Variants in LRP1B observed in about 807,000 individuals in gnomAD.
LRP1B encodes the protein LDL receptor related protein 1B, also known as low-density lipoprotein receptor-related protein 1B.
LRP1B carries 217 observed loss-of-function variants against 556.6 expected under a neutral mutation model. The observed-to-expected ratio is 0.39, with a 90% CI of 0.35 to 0.44. LRP1B has a LOEUF of 0.44. LRP1B is among the 20% of genes least tolerant of loss of function. The pLI, the probability that LRP1B is intolerant of heterozygous loss-of-function variation, is 1.00. For missense variants in LRP1B, 5,053 were observed against 5,620.8 expected, an observed-to-expected ratio of 0.90 and a Z score of 3.23; for synonymous variants, 2,047 against 1,865.8, an observed-to-expected ratio of 1.10 and a Z score of -2.50.
intron 84 of LRP1B, 37 bp from the exon 85 acceptor site, chr2:140,274,635 A>G: frequency 6.4e-7 from 1 of 1,554,706 alleles, no homozygotes; most frequent in Non-Finnish European, 8.8e-7. Context: ...ATAAAATTAT[A>G]TTACAGGACA....
intron 1 of LRP1B, among the ~76,000 whole-genome samples, chr2:142,019,398 C>T (rs535691277): frequency 6.6e-6 from 1 of 152,248 alleles, no homozygotes; most frequent in African/African-American, 2.4e-5. Context: ...TCACACCATA[C>T]ATCTAATCTC....
intron 66 of LRP1B, among the ~76,000 whole-genome samples, chr2:140,393,020 C>T (rs1558851053): frequency 6.6e-6 from 1 of 151,944 alleles, no homozygotes; most frequent in Admixed American, 6.6e-5. Flanking sequence ...ACCTCGACCT[C>T]CTGGACTCAA....
intron 2 of LRP1B, among the ~76,000 whole-genome samples, chr2:141,663,977 C>T (rs576471891): frequency 1.3e-5 from 2 of 150,564 alleles, no homozygotes; most frequent in East Asian, 2.0e-4. Flanking sequence ...TGATGAACAT[C>T]GATGCAAAAA....
rs1345330001 is a variant in LRP1B at position 140,247,118 on chromosome 2, G to C, written c.13292C>G (p.Pro4431Arg). Residue 4431 changes from proline (P) to arginine (R), a missense_variant, in exon 87 of 91, where the codon CCA (proline) becomes CGA (arginine). Around this residue, in one of 5 missense-constraint regions of LRP1B, gnomAD observed 551 missense variants for 592.0 expected, o/e 0.93. Transcript: ENST00000389484. ...WSGTQCERPA[P>R]KSSKSDHIST... Reference sequence around the variant, plus strand: ...GATATGATCAGACTTGCTGCTCTTTGGGGCTGGCCTTTCACACTGTGTGCC... The same window carrying C: ...GATATGATCAGACTTGCTGCTCTTTCGGGCTGGCCTTTCACACTGTGTGCC... The C allele has an allele frequency of 6.2e-7, 1 of 1,609,450 alleles. No homozygotes were observed. Among genetic ancestry groups the C allele is most frequent in the Non-Finnish European group, 8.5e-7 (1 of 1,176,816 alleles).
At chr2:141,479,140 C>T (rs1249882677) in intron 3 of LRP1B, among the ~76,000 whole-genome samples, 1 of 152,068 alleles carries the variant, frequency 6.6e-6, no homozygotes, top group African/African-American at 2.4e-5. Flanking sequence ...CACAGCCTAC[C>T]TGTAGTCTCT....
At chr2:140,853,031 A>G (rs1216860656) in intron 27 of LRP1B, among the ~76,000 whole-genome samples, 1 of 152,026 alleles carries the variant, frequency 6.6e-6, no homozygotes, top group Non-Finnish European at 1.5e-5. Context: ...CCCTTGCTCA[A>G]AGTAGTGATA....
intron 41 of LRP1B, among the ~76,000 whole-genome samples, chr2:140,604,880 T>G (rs983487649): frequency 1.3e-5 from 2 of 152,122 alleles, no homozygotes; most frequent in Non-Finnish European, 2.9e-5. Flanking sequence ...GCAGTTCCAC[T>G]GCACACACCC....
At chr2:140,320,809 TAGGC>T (rs1680072449) in intron 82 of LRP1B, among the ~76,000 whole-genome samples, 2 of 151,954 alleles carry the variant, frequency 1.3e-5, no homozygotes, top group South Asian at 4.1e-4. Context: ...CTGGGGGGCT[TAGGC>T]AGGCGGATCA....
At chr2:140,938,521 G>T (rs1695297647) in intron 20 of LRP1B, among the ~76,000 whole-genome samples, 1 of 152,014 alleles carries the variant, frequency 6.6e-6, no homozygotes, top group Admixed American at 6.6e-5. Flanking sequence ...TGAGAGCAAG[G>T]TAGCAGTTAC....
Position 141,337,161 on chromosome 2 carries a change from A to G in LRP1B, c.344-82520T>C, listed in dbSNP as rs148011996. 5.4e-3 allele frequency among the ~76,000 whole-genome samples: 818 copies of G among 152,330 alleles called. 5 individuals are homozygous for G. The highest frequency in any genetic ancestry group is 0.019 in the African/African-American group (778 of 41,582). On this transcript the variant is annotated intron_variant, in intron 3 of 90. Coordinates refer to ENST00000389484, the MANE Select transcript of LRP1B (RefSeq NM_018557.3). ...TGTACCATTTCCCATTCCTACCAAC[A>G]AAAGATGAGTTTCAATTGCTCTGCA...
chr2:141,488,860 GAATT>G (rs1278046108), intron 2 of LRP1B, among the ~76,000 whole-genome samples: 1 of 151,874 alleles, frequency 6.6e-6, no homozygotes, highest in Non-Finnish European at 1.5e-5. Context: ...AACTTTCCTG[GAATT>G]ATTTAAAAAC....
chr2:141,013,695 A>G lies in LRP1B; in HGVS notation c.2241T>C (p.His747=), dbSNP rs764415266. ...ELNHPFGLSH[H]GNYVFWTDYM... ...AATCAGTCCAGAACACATAATTTCC[A>G]TGATGCGACAGTCCGAAAGGGTGGT... Residue 747 remains histidine (H), a synonymous_variant, in exon 14 of 91, where the codon CAT becomes CAC. Transcript: ENST00000389484. 3.6e-5 allele frequency: 57 copies of G among 1,603,926 alleles called. No individual in the cohort carries two copies. In the Admixed American group the frequency reaches 9.8e-4, roughly 28 times the overall value.
At chr2:140,479,233 A>G (rs1437278196) in intron 59 of LRP1B, among the ~76,000 whole-genome samples, 1 of 152,012 alleles carries the variant, frequency 6.6e-6, no homozygotes, top group African/African-American at 2.4e-5. Context: ...TTTTTCTTCA[A>G]ATTTGTCAAT....
chr2:142,002,412 G>A (rs1173772983), intron 1 of LRP1B, among the ~76,000 whole-genome samples: 1 of 151,722 alleles, frequency 6.6e-6, no homozygotes, highest in Non-Finnish European at 1.5e-5. Context: ...AAATGGGTAG[G>A]GACACATCTC....
At chr2:140,415,377 G>C (rs1338515147) in intron 66 of LRP1B, among the ~76,000 whole-genome samples, 8 of 152,120 alleles carry the variant, frequency 5.3e-5, no homozygotes, top group African/African-American at 1.9e-4. Flanking sequence ...TGAAGCATGT[G>C]ATCTTTGTAC....
intron 11 of LRP1B, among the ~76,000 whole-genome samples, chr2:141,047,047 A>ACTCCAGCCTGGGTGACAGAG (rs1553451699): frequency 0.013 from 1,880 of 141,034 alleles, 24 homozygotes; most frequent in Middle Eastern, 0.025. Context: ...GCAGCACTGC[A>ACTCCAGCCTGGGTGACAGAG]CAAAAATTAA....
In LRP1B at chr2:140,315,087, T is replaced by G; in HGVS notation, c.12653A>C (p.Lys4218Thr). The part of the protein sequence containing the change: ...NDDSLLDDSC[K>T]LTCENGGRCI... ...TCTTCCTCCATTTTCACAAGTTAAC[T>G]TACATGAATCATCTGTTTATGAGAA... Residue 4218 changes from lysine to threonine, a missense_variant, in exon 83 of 91, where the codon AAG becomes ACG. By Grantham distance (78) the Lys-to-Thr change is moderately conservative. Transcript: ENST00000389484. The G allele has an allele frequency of 6.2e-7, 1 of 1,604,316 alleles. No individual in the cohort carries two copies. Among genetic ancestry groups the G allele is most frequent in the Non-Finnish European group, 8.5e-7 (1 of 1,174,484 alleles).
In LRP1B at chr2:140,982,182, C is replaced by T. The variant is rs752554210; in HGVS notation, c.2865G>A (p.Gln955=). The change falls in exon 18 of 91, where the codon CAG becomes CAA. Residue 955 remains glutamine (Q), a synonymous_variant. Transcript: ENST00000389484. ...LCDREDDCGD[Q]TDEMASCEFP... Reference sequence around the variant, plus strand: ...TACCACAAGATGCCATTTCATCTGTCTGGTCACCACAGTCGTCTTCCCTGT... The same window carrying T: ...TACCACAAGATGCCATTTCATCTGTTTGGTCACCACAGTCGTCTTCCCTGT... The T allele has an allele frequency of 1.2e-5, 20 of 1,613,044 alleles. No homozygotes were observed. Among genetic ancestry groups the T allele is most frequent in the Non-Finnish European group, 1.7e-5 (20 of 1,179,418 alleles).
intron 6 of LRP1B, among the ~76,000 whole-genome samples, chr2:141,195,340 G>T (rs1681707348): frequency 6.6e-6 from 1 of 152,134 alleles, no homozygotes; most frequent in South Asian, 2.1e-4. Flanking sequence ...GATGCCTGCA[G>T]TCCTGGCTAA....
Sources: allele counts gnomAD v4.1 joint callset (sites outside exome capture counted in the v4.1 genomes callset), GRCh38; gene constraint gnomAD v4.1.1; regional missense constraint gnomAD v4.1.1; transcripts MANE v1.5; gene names NCBI Gene and HGNC (gene_info 2026-07-23, HGNC 2026-07-21).